Variants in MEIOSIN observed in about 807,000 individuals in gnomAD.
MEIOSIN encodes the protein meiosis initiator protein.
In MEIOSIN, 18 loss-of-function variants were observed where a neutral mutation model predicts 23.4. That is an observed-to-expected ratio of 0.77 (90% CI 0.53 to 1.14). MEIOSIN has a LOEUF of 1.14. Among genes scored for constraint, MEIOSIN ranks in the 50% most tolerant of loss-of-function variants. MEIOSIN has a pLI of 0.00. For synonymous variants in MEIOSIN, 187 were observed against 100.6 expected (o/e 1.86, Z -5.14); for missense variants, 428 against 242.9 (o/e 1.76, Z -5.07).
At chr19:45,738,243 A>T (rs1017195928) in intron 2 of MEIOSIN, among the ~76,000 whole-genome samples, 1 of 152,238 alleles carries the variant, frequency 6.6e-6, no homozygotes, top group African/African-American at 2.4e-5. Flanking sequence ...GTGACTTTCC[A>T]TCCAACTATC....
At chr19:45,744,477 T>C (rs1217742888) in intron 3 of MEIOSIN, among the ~76,000 whole-genome samples, 1 of 152,162 alleles carries the variant, frequency 6.6e-6, no homozygotes, top group Non-Finnish European at 1.5e-5. Context: ...TTTGTTTTGT[T>C]TTGTTTTGTT....
chr19:45,741,069 G>T (rs780934174), intron 3 of MEIOSIN, among the ~76,000 whole-genome samples: 14 of 151,906 alleles, frequency 9.2e-5, no homozygotes, highest in African/African-American at 3.4e-4. Flanking sequence ...AAATATTAAC[G>T]CTGGGTGCGG....
intron 4 of MEIOSIN, among the ~76,000 whole-genome samples, chr19:45,746,968 A>G (rs1366159282): frequency 1.3e-5 from 2 of 152,186 alleles, no homozygotes; most frequent in Non-Finnish European, 2.9e-5. Flanking sequence ...ACAGTCCACG[A>G]TGGTGCTAAA....
chr19:45,748,302 G>A (rs776374619), intron 4 of MEIOSIN, among the ~76,000 whole-genome samples: 15 of 152,122 alleles, frequency 9.9e-5, no homozygotes, highest in Non-Finnish European at 1.8e-4. Flanking sequence ...GGATGACCTC[G>A]ATCTCCTGAC....
In MEIOSIN at chr19:45,762,927, G is replaced by A. The variant is rs1107754; in HGVS notation, c.1680-411G>A. ...GGGTCACCCCAGGAGGCACAGGCTC[G>A]GGTCCTGTCCCCCACCCAAGCGACC... On this transcript the variant is annotated intron_variant, in intron 13 of 14. Coordinates refer to ENST00000457052, the MANE Select transcript of MEIOSIN (RefSeq NM_001310124.2). 6.7e-3 allele frequency among the ~76,000 whole-genome samples: 1,018 copies of A among 152,300 alleles called. 40 individuals carry two copies. The highest frequency in any genetic ancestry group is 0.055 in the Admixed American group (835 of 15,288).
rs1969002167 is a variant in MEIOSIN, at chr19:45,763,912, T to C, written c.1770-59T>C. 3 of 398,398 alleles carry C rather than the reference T, an allele frequency of 7.5e-6. No individual in the cohort carries two copies. The Admixed American group carries it at 1.3e-4, about 18-fold the overall frequency. The allele number at this position is 398,398 out of a possible 1,614,324, so 24.7% of individuals were successfully genotyped here. A position where few individuals can be genotyped will look rare whatever the true frequency, so the allele number is the denominator to read the frequency against. ...TGCGGGGACACAGGATTGGGAGTGG[T>C]ACAGGGATGCCCGGGAGGCGAGTGA... On this transcript the variant is annotated intron_variant, in intron 14 of 14. Coordinates refer to ENST00000457052, the MANE Select transcript of MEIOSIN (RefSeq NM_001310124.2).
chr19:45,742,816 A>AAAC (rs886318267), intron 3 of MEIOSIN, among the ~76,000 whole-genome samples: 2 of 152,096 alleles, frequency 1.3e-5, no homozygotes, highest in East Asian at 1.9e-4. Flanking sequence ...AAACAAAACA[A>AAAC]AACAACAACA....
At chr19:45,742,883 G>A (rs955042459) in intron 3 of MEIOSIN, among the ~76,000 whole-genome samples, 2 of 152,178 alleles carry the variant, frequency 1.3e-5, no homozygotes. Context: ...AAAATTGGCA[G>A]TTGAGAGAAA....
intron 7 of MEIOSIN, among the ~76,000 whole-genome samples, chr19:45,755,568 C>T (rs1054732408): frequency 2.6e-5 from 4 of 152,176 alleles, no homozygotes; most frequent in Non-Finnish European, 2.9e-5. Context: ...TTCTCTGCCT[C>T]AGCCTCCTGA....
intron 4 of MEIOSIN, among the ~76,000 whole-genome samples, chr19:45,748,841 G>A (rs1674551402): frequency 6.6e-6 from 1 of 152,016 alleles, no homozygotes; most frequent in African/African-American, 2.4e-5. Context: ...GGCCGAGGTG[G>A]GTGGATCACT....
intron 2 of MEIOSIN, among the ~76,000 whole-genome samples, chr19:45,737,797 A>C (rs909997757): frequency 6.6e-6 from 1 of 151,468 alleles, no homozygotes; most frequent in Non-Finnish European, 1.5e-5. Context: ...GCTGGGCATG[A>C]TATAATCCCA....
In MEIOSIN at chr19:45,747,066, C is replaced by T. The variant is rs34793000; in HGVS notation, c.306+1745C>T. Among the ~76,000 whole-genome samples, 957 of 152,240 alleles carry T rather than the reference C, an allele frequency of 6.3e-3. 17 individuals carry two copies. Among genetic ancestry groups the T allele is most frequent in the African/African-American group, 0.021 (883 of 41,530 alleles). On this transcript the variant is annotated intron_variant, in intron 4 of 14. Transcript: ENST00000457052. ...AGATGACTATGACACAGTCCCTCCCCTCGAGGAATGGCAGTCTTGTCAGGG... is the reference window on the plus strand; with the variant it reads ...AGATGACTATGACACAGTCCCTCCCTTCGAGGAATGGCAGTCTTGTCAGGG...
intron 3 of MEIOSIN, among the ~76,000 whole-genome samples, chr19:45,744,345 A>G (rs1486626790): frequency 2.0e-5 from 3 of 151,894 alleles, no homozygotes; most frequent in African/African-American, 7.3e-5. Flanking sequence ...CCATAACACC[A>G]AGCAACACTT....
chr19:45,754,840 AC>A, intron 7 of MEIOSIN, 116 bp downstream of exon 7: 1 of 630,734 alleles, frequency 1.6e-6, no homozygotes, highest in East Asian at 2.7e-5. Flanking sequence ...AATAGGAAAC[AC>A]CGCCTCTTAC....
intron 14 of MEIOSIN, among the ~76,000 whole-genome samples, chr19:45,763,677 G>A (rs567552876): frequency 1.2e-3 from 181 of 152,238 alleles, no homozygotes; most frequent in Middle Eastern, 3.4e-3. Flanking sequence ...TCTGCCACAC[G>A]ACTTTCTCGG....
At chr19:45,739,917 G>A (rs572345252) in intron 3 of MEIOSIN, among the ~76,000 whole-genome samples, 187 bp downstream of exon 3, 2 of 151,632 alleles carry the variant, frequency 1.3e-5, no homozygotes, top group South Asian at 2.1e-4. Flanking sequence ...GCGCAATCTC[G>A]GCTCACTGTA....
intron 11 of MEIOSIN, among the ~76,000 whole-genome samples, chr19:45,760,651 G>A (rs1305075379): frequency 5.9e-5 from 9 of 151,756 alleles, no homozygotes; most frequent in Non-Finnish European, 8.8e-5. Flanking sequence ...GGGTGTGGCC[G>A]GGCGTGGTGG....
Position 45,759,583 on chromosome 19 carries a change from C to A in MEIOSIN, c.1245+93C>A, listed in dbSNP as rs1176917450. 3 of 675,806 alleles carry A rather than the reference C, an allele frequency of 4.4e-6. No individual in the cohort carries two copies. The Admixed American group carries it at 6.2e-5, about 14-fold the overall frequency. The allele number at this position is 675,806 out of a possible 1,614,324, so 41.9% of individuals were successfully genotyped here. On this transcript the variant is annotated intron_variant, in intron 11 of 14. Transcript: ENST00000457052. ...TTCATTCACTCATCCACTCCCTCAC[C>A]CTTTCAGCCACCATCTACCCATCTG...
intron 3 of MEIOSIN, among the ~76,000 whole-genome samples, chr19:45,742,347 G>A (rs1968520113): frequency 6.6e-6 from 1 of 152,066 alleles, no homozygotes; most frequent in East Asian, 1.9e-4. Flanking sequence ...TGGCATGGTG[G>A]TGCATGCCTA....
Sources: gnomAD v4.1 joint callset for allele counts (sites outside exome capture counted in the v4.1 genomes callset) on GRCh38, gnomAD v4.1.1 for gene constraint, MANE v1.5 for transcripts, NCBI Gene and HGNC (gene_info 2026-07-23, HGNC 2026-07-21) for gene names.